The following NEK10 variants were observed in gnomAD, a reference collection of about 807,000 sequenced individuals.
NEK10 encodes serine/threonine-protein kinase Nek10.
Under a neutral mutation model 159.8 loss-of-function variants are expected in NEK10, and 122 were observed. That is an observed-to-expected ratio of 0.76 (90% confidence interval 0.66 to 0.89). The LOEUF (loss-of-function observed/expected upper bound fraction) is 0.89, where lower values mean the gene tolerates loss of function less well. Among genes scored for constraint, NEK10 ranks in the 40% least tolerant of loss-of-function variants. The probability of loss-of-function intolerance (pLI) is 0.00; values close to 1 mark genes in which losing one functional copy is unlikely to be tolerated. For synonymous variants in NEK10, 466 were observed against 457.1 expected (o/e 1.02, Z -0.25); for missense variants, 1,342 against 1,323.1 (o/e 1.01, Z -0.22).
At chr3:27,262,637 T>A (rs903303462) in intron 22 of NEK10, among the ~76,000 whole-genome samples, 1 of 152,248 alleles carries the variant, frequency 6.6e-6, no homozygotes, top group Non-Finnish European at 1.5e-5. Context: ...CTACTGAGGC[T>A]TGTGCATTCA....
At chr3:27,275,226 G>A (rs1197704183) in intron 22 of NEK10, among the ~76,000 whole-genome samples, 1 of 152,100 alleles carries the variant, frequency 6.6e-6, no homozygotes, top group African/African-American at 2.4e-5. Flanking sequence ...TCTTTTTCTT[G>A]TAGCCAACTT....
intron 30 of NEK10, among the ~76,000 whole-genome samples, chr3:27,157,612 G>A (rs1945610302): frequency 6.6e-6 from 1 of 152,144 alleles, no homozygotes; most frequent in Admixed American, 6.6e-5. Context: ...TATGAACATT[G>A]TTGAAATGGC....
chr3:27,345,306 TA>T (rs2047477430), intron 4 of NEK10, among the ~76,000 whole-genome samples: 2 of 152,190 alleles, frequency 1.3e-5, no homozygotes, highest in African/African-American at 4.8e-5. Context: ...TGGTACTCAC[TA>T]TATGACAATT....
At chr3:27,270,426 C>T (rs1260741953) in intron 22 of NEK10, among the ~76,000 whole-genome samples, 2 of 152,160 alleles carry the variant, frequency 1.3e-5, no homozygotes, top group African/African-American at 4.8e-5. Flanking sequence ...AGTTTGACTA[C>T]AGCCTCATGA....
Position 27,108,415 on chromosome 3 carries a change from C to T in NEK10, c.*2857G>A, listed in dbSNP as rs2125381035. Among the ~76,000 whole-genome samples, 1 of 152,324 alleles carries T rather than the reference C, an allele frequency of 6.6e-6. No individual in the cohort carries two copies. The highest frequency in any genetic ancestry group is 2.4e-5 in the African/African-American group (1 of 41,562). ...AGCAAGCAAATATTCCTGCTGCAGT[C>T]ACTTCCCTGAGAATGAAACATTTTG... On this transcript the variant is annotated 3_prime_UTR_variant, in exon 36 of 36. Transcript: ENST00000691995.
intron 1 of NEK10, among the ~76,000 whole-genome samples, chr3:27,363,113 T>A (rs1373869711): frequency 6.6e-6 from 1 of 151,952 alleles, no homozygotes; most frequent in East Asian, 1.9e-4. Context: ...CACCACAGAG[T>A]TACTCCTCCT....
At chr3:27,257,199 C>G (rs1956292841) in intron 22 of NEK10, among the ~76,000 whole-genome samples, 1 of 152,194 alleles carries the variant, frequency 6.6e-6, no homozygotes. Flanking sequence ...CAGGCGTGAG[C>G]CACCAGGCCC....
chr3:27,255,862 T>C (rs9883074), intron 23 of NEK10, among the ~76,000 whole-genome samples: 7,093 of 152,240 alleles, frequency 0.047, 294 homozygotes, highest in African/African-American at 0.11. Flanking sequence ...GGATAGGTAT[T>C]AGTGTACAAA....
At chr3:27,280,947 A>G (rs903711163) in intron 22 of NEK10, among the ~76,000 whole-genome samples, 2 of 150,662 alleles carry the variant, frequency 1.3e-5, no homozygotes, top group South Asian at 4.2e-4. Flanking sequence ...GTATATGTAT[A>G]TGCATATATA....
At chr3:27,269,018 T>A (rs1190081704) in intron 22 of NEK10, among the ~76,000 whole-genome samples, 3 of 152,184 alleles carry the variant, frequency 2.0e-5, no homozygotes, top group Non-Finnish European at 2.9e-5. Context: ...TCACTGCAGA[T>A]GTGGTGGAAA....
chr3:27,212,224 T>A (rs936505230), intron 23 of NEK10, among the ~76,000 whole-genome samples: 1 of 152,226 alleles, frequency 6.6e-6, no homozygotes, highest in Non-Finnish European at 1.5e-5. Context: ...AGTATTAAAA[T>A]CTGTGTTTTA....
At chr3:27,190,237 T>A (rs767813172) in intron 26 of NEK10, among the ~76,000 whole-genome samples, 3 of 151,950 alleles carry the variant, frequency 2.0e-5, no homozygotes, top group Non-Finnish European at 4.4e-5. Context: ...GTTTCAGAGC[T>A]TTCCCTTTAT....
chr3:27,289,924 T>C lies in NEK10; in HGVS notation c.1743+693A>G, dbSNP rs1163557414. ...TTGTTACATCCCAACACAGATGCTATGCAAATGTGACCAGTGGAGGACAAA... is the reference window on the plus strand; with the variant it reads ...TTGTTACATCCCAACACAGATGCTACGCAAATGTGACCAGTGGAGGACAAA... On this transcript the variant is annotated intron_variant, in intron 19 of 35. Transcript: ENST00000691995. Among the ~76,000 whole-genome samples, 3 of 152,226 alleles carry C rather than the reference T, an allele frequency of 2.0e-5. No homozygotes were observed. In the East Asian group the frequency reaches 5.8e-4, roughly 29 times the overall value.
chr3:27,300,186 G>T (rs1262041763), intron 13 of NEK10, among the ~76,000 whole-genome samples: 2 of 152,160 alleles, frequency 1.3e-5, no homozygotes, highest in African/African-American at 4.8e-5. Flanking sequence ...AGTGAGAGGT[G>T]ATTGAATTAT....
Position 27,331,262 on chromosome 3 carries a change from A to AAAAAAAAAAAAAAAAAAAAAAAAAAAAAC in NEK10, c.363-9002_363-9001insGTTTTTTTTTTTTTTTTTTTTTTTTTTTT. ...CAAAAAAAAAAAAACAAAAAAAAAAAACACACAAACCTAAGACTTTTGAGG... is the reference window on the plus strand; with the variant it reads ...CAAAAAAAAAAAAACAAAAAAAAAAAAAAAAAAAAAAAAAAAAAAAAAAAAAAACACACACAAACCTAAGACTTTTGAGG... On this transcript the variant is annotated intron_variant, in intron 5 of 35. Coordinates refer to ENST00000691995, the MANE Select transcript of NEK10 (RefSeq NM_001394966.1). 6.4e-4 allele frequency among the ~76,000 whole-genome samples: 71 copies of AAAAAAAAAAAAAAAAAAAAAAAAAAAAAC among 110,098 alleles called. 18 individuals carry two copies. The highest frequency in any genetic ancestry group is 1.1e-3 in the Non-Finnish European group (56 of 51,032). The allele number at this position is 110,098 out of a possible 152,430, so 72.2% of individuals were successfully genotyped here.
chr3:27,137,090 A>T (rs187369490), intron 31 of NEK10, among the ~76,000 whole-genome samples: 224 of 152,322 alleles, frequency 1.5e-3, no homozygotes, highest in Non-Finnish European at 2.4e-3. Flanking sequence ...TTTGAAAGTC[A>T]TTGACTTTGT....
chr3:27,344,116 T>C (rs2047385865), intron 5 of NEK10, among the ~76,000 whole-genome samples, 156 bp downstream of exon 5: 1 of 152,216 alleles, frequency 6.6e-6, no homozygotes, highest in Non-Finnish European at 1.5e-5. Flanking sequence ...AATCAGTGAT[T>C]TTAATGAGAT....
chr3:27,171,926 A>T (rs2004970), intron 28 of NEK10, 53 bp from the exon 29 acceptor site: 1 of 1,557,858 alleles, frequency 6.4e-7, no homozygotes, highest in African/African-American at 1.4e-5. Flanking sequence ...CAAATCTTTT[A>T]TTTTTTATGT....
intron 13 of NEK10, among the ~76,000 whole-genome samples, chr3:27,298,651 T>C (rs952877607): frequency 2.6e-5 from 4 of 152,168 alleles, no homozygotes; most frequent in Non-Finnish European, 5.9e-5. Flanking sequence ...GTGGGAAAGT[T>C]TGGAACTCCC....
Sources: gnomAD v4.1 joint callset for allele counts (sites outside exome capture counted in the v4.1 genomes callset) on GRCh38, gnomAD v4.1.1 for gene constraint, MANE v1.5 for transcripts, NCBI Gene and HGNC (gene_info 2026-07-23, HGNC 2026-07-21) for gene names.